The following WDR27 variants were observed in gnomAD, a reference collection of about 807,000 sequenced individuals.
The protein encoded by WDR27 is WD repeat-containing protein 27.
Under a neutral mutation model 114.4 loss-of-function variants are expected in WDR27, and 100 were observed. The observed-to-expected ratio is 0.87, with a 90% CI of 0.74 to 1.03. The LOEUF (loss-of-function observed/expected upper bound fraction) is 1.03. WDR27 is among the 50% of genes least tolerant of loss of function. The pLI, the probability that WDR27 is intolerant of heterozygous loss-of-function variation, is 0.00. For missense variants in WDR27, 1,129 were observed against 1,092.9 expected, an observed-to-expected ratio of 1.03 and a Z score of -0.47; for synonymous variants, 449 against 423.1, an observed-to-expected ratio of 1.06 and a Z score of -0.75.
chr6:169,450,763 G>A, the WDR27 span, among the ~76,000 whole-genome samples: 5 of 152,278 alleles, frequency 3.3e-5, no homozygotes, highest in East Asian at 9.7e-4. Flanking sequence ...TCCACTCAGC[G>A]TAGCGGTCCC....
intron 23 of WDR27, among the ~76,000 whole-genome samples, chr6:169,586,847 CAAAAAAAAAAA>C (rs3029697): frequency 2.5e-4 from 8 of 32,058 alleles, no homozygotes; most frequent in African/African-American, 4.9e-4. Context: ...GACTCTGTCT[CAAAAAAAAAAA>C]AAAAAAAAAA....
chr6:169,427,533 G>C, the WDR27 span, among the ~76,000 whole-genome samples: 1 of 152,296 alleles, frequency 6.6e-6, no homozygotes, highest in African/African-American at 2.4e-5. Context: ...AGGAGAGAGG[G>C]CTGGGAAGAC....
In WDR27 at chr6:169,701,663, CGCA is replaced by C. The variant is rs1788106010; in HGVS notation, c.-123_-121del. On this transcript the variant is annotated 5_prime_UTR_variant, in exon 1 of 26. Coordinates refer to ENST00000448612, the MANE Select transcript of WDR27 (RefSeq NM_182552.5). The stretch of plus-strand genomic sequence containing the variant: ...TGCCCCGAATTCCCCTGGAGACCCT[CGCA>C]CTAGCACGGCGTCAGGAGGAGGCTT... 5.9e-6 allele frequency: 1 copy of C among 169,230 alleles called. No homozygotes were observed. The highest frequency in any genetic ancestry group is 1.3e-5 in the Non-Finnish European group (1 of 78,002). 10.5% of individuals were successfully genotyped at this position (169,230 alleles called of 1,614,324 possible). A position where few individuals can be genotyped will look rare whatever the true frequency, so the allele number is the denominator to read the frequency against.
At chr6:169,641,586 G>T (rs763533271) in intron 17 of WDR27, among the ~76,000 whole-genome samples, 4 of 152,178 alleles carry the variant, frequency 2.6e-5, no homozygotes, top group African/African-American at 4.8e-5. Flanking sequence ...AGCAGTCAAG[G>T]GTGTGGGGAC....
chr6:169,654,717 A>G (rs576807990), intron 13 of WDR27, among the ~76,000 whole-genome samples: 3 of 127,460 alleles, frequency 2.4e-5, no homozygotes, highest in Admixed American at 7.7e-5. Context: ...CGCGCACAGG[A>G]GAAGGAGGCG....
rs75667925 is a variant in WDR27 at position 169,678,288 on chromosome 6, C to G, written c.190-5892G>C. Reference sequence around the variant, plus strand: ...GGCCTTGGGAGTCCACCCCTTGTACCAGTGTGCTCTGGATGTGGGACACAG... The same window carrying G: ...GGCCTTGGGAGTCCACCCCTTGTACGAGTGTGCTCTGGATGTGGGACACAG... On this transcript the variant is annotated intron_variant, in intron 2 of 25. Coordinates refer to ENST00000448612, the MANE Select transcript of WDR27 (RefSeq NM_182552.5). 1.7e-4 allele frequency among the ~76,000 whole-genome samples: 26 copies of G among 152,330 alleles called. No homozygotes were observed. The East Asian group carries it at 5.0e-3, about 29-fold the overall frequency.
intron 23 of WDR27, among the ~76,000 whole-genome samples, chr6:169,597,791 G>C (rs956435685): frequency 7.9e-5 from 12 of 151,754 alleles, no homozygotes; most frequent in African/African-American, 2.9e-4. Flanking sequence ...TGGCCCTAAA[G>C]TTTTCAAGTT....
chr6:169,446,122 G>A, the WDR27 span, among the ~76,000 whole-genome samples: 5 of 152,250 alleles, frequency 3.3e-5, no homozygotes, highest in Middle Eastern at 3.2e-3. Context: ...GACGGAGGGC[G>A]AGCACTCGGC....
chr6:169,597,877 T>TATACACACACAC (rs1554303018), intron 23 of WDR27, among the ~76,000 whole-genome samples: 1 of 142,222 alleles, frequency 7.0e-6, no homozygotes, highest in East Asian at 2.2e-4. Flanking sequence ...TTACCATTCA[T>TATACACACACAC]ACACACACAC....
intron 21 of WDR27, among the ~76,000 whole-genome samples, chr6:169,632,174 C>T (rs1203482770): frequency 1.5e-5 from 2 of 132,032 alleles, no homozygotes; most frequent in African/African-American, 2.9e-5. Flanking sequence ...GGTGACAGAG[C>T]GAGAGACTCT....
the WDR27 span, among the ~76,000 whole-genome samples, chr6:169,442,002 G>GA: frequency 5.3e-5 from 8 of 152,160 alleles, no homozygotes; most frequent in Non-Finnish European, 8.8e-5. Flanking sequence ...ACATAACTGG[G>GA]ATATTCAGCC....
chr6:169,698,229 T>C (rs1469386907), intron 1 of WDR27, among the ~76,000 whole-genome samples: 1 of 151,866 alleles, frequency 6.6e-6, no homozygotes, highest in Non-Finnish European at 1.5e-5. Context: ...TGTTCCTCAG[T>C]GTTCTCAGCT....
intron 4 of WDR27, chr6:169,668,849 C>T (rs961271331): frequency 6.6e-6 from 1 of 152,246 alleles, no homozygotes. Flanking sequence ...ACTTAACTTA[C>T]AAACAGACAT....
At chr6:169,641,732 G>A (rs1819227224) in intron 17 of WDR27, among the ~76,000 whole-genome samples, 3 of 152,206 alleles carry the variant, frequency 2.0e-5, no homozygotes, top group African/African-American at 7.2e-5. Context: ...CTTGGACAAA[G>A]ATTTCTCGTT....
intron 25 of WDR27, among the ~76,000 whole-genome samples, chr6:169,553,710 G>A (rs1798503492): frequency 6.6e-6 from 1 of 152,190 alleles, no homozygotes; most frequent in Admixed American, 6.5e-5. Flanking sequence ...CCTGCTAGAA[G>A]AGCATAACAT....
At chr6:169,540,662 C>T (rs2128092194) in intron 25 of WDR27, among the ~76,000 whole-genome samples, 1 of 152,264 alleles carries the variant, frequency 6.6e-6, no homozygotes, top group South Asian at 2.1e-4. Context: ...AAACTCCTGA[C>T]CTCATGATCC....
rs147455834 is a variant in WDR27, at chr6:169,479,856, C to T, written c.2646-22222G>A. On this transcript the variant is annotated intron_variant, in intron 25 of 25. Coordinates refer to ENST00000448612, the MANE Select transcript of WDR27 (RefSeq NM_182552.5). ...ATTAGTTATTTTTCCTGATTCTCTC[C>T]CTCCTTCTGAGAGGTGACAATGTGC... Among the ~76,000 whole-genome samples, 391 of 152,308 alleles carry T rather than the reference C, an allele frequency of 2.6e-3. 1 individual carries two copies. Among genetic ancestry groups the T allele is most frequent in the African/African-American group, 9.0e-3 (375 of 41,566 alleles).
At chr6:169,467,092 C>T (rs907450139) in intron 25 of WDR27, among the ~76,000 whole-genome samples, 3 of 152,208 alleles carry the variant, frequency 2.0e-5, no homozygotes, top group Non-Finnish European at 2.9e-5. Flanking sequence ...AAAATCATCT[C>T]CTTTGACTCC....
rs533180029 is a variant in WDR27 at position 169,695,813 on chromosome 6, T to C, written c.-8+5738A>G. ...ATTCTCTGGGTATATTCAATTTAAA[T>C]ACTTTCCTTAACTAAGCTAGAGAGA... is the stretch of plus-strand genomic sequence containing the variant. On this transcript the variant is annotated intron_variant, in intron 1 of 25. Transcript: ENST00000448612. 1.9e-4 allele frequency among the ~76,000 whole-genome samples: 29 copies of C among 152,290 alleles called. No homozygotes were observed. The South Asian group carries it at 6.0e-3, about 32-fold the overall frequency.
Sources: gnomAD v4.1 joint callset for allele counts (sites outside exome capture counted in the v4.1 genomes callset) on GRCh38, gnomAD v4.1.1 for gene constraint, MANE v1.5 for transcripts, NCBI Gene and HGNC (gene_info 2026-07-23, HGNC 2026-07-21) for gene names.